The following CKMT2 variants were observed in gnomAD, a reference collection of about 807,000 sequenced individuals.
CKMT2 encodes creatine kinase S-type, mitochondrial.
Under a neutral mutation model 48.9 loss-of-function variants are expected in CKMT2, and 43 were observed. The ratio of observed to expected loss-of-function variants is 0.88; its 90% CI spans 0.69 to 1.13. CKMT2 has a LOEUF of 1.13. Among genes scored for constraint, CKMT2 ranks in the 50% most tolerant of loss-of-function variants. The pLI is 0.00. For synonymous variants in CKMT2, 206 were observed against 213.0 expected, an observed-to-expected ratio of 0.97 and a Z score of 0.29; for missense variants, 472 against 555.4, an observed-to-expected ratio of 0.85 and a Z score of 1.51.
chr5:81,253,770 T>C (rs1056504388), intron 3 of CKMT2, among the ~76,000 whole-genome samples: 25 of 152,366 alleles, frequency 1.6e-4, no homozygotes, highest in African/African-American at 5.3e-4. Flanking sequence ...GGTGCTTTGT[T>C]ACAACTTCTT....
At chr5:81,241,660 G>C (rs1472289698) in intron 1 of CKMT2, among the ~76,000 whole-genome samples, 1 of 152,196 alleles carries the variant, frequency 6.6e-6, no homozygotes, top group Non-Finnish European at 1.5e-5. Flanking sequence ...AATTATGCTT[G>C]ACAAATGGTG....
intron 7 of CKMT2, among the ~76,000 whole-genome samples, chr5:81,258,120 G>T (rs79745782): frequency 1.3e-5 from 2 of 152,004 alleles, no homozygotes; most frequent in Admixed American, 1.3e-4. Flanking sequence ...GACTAGCCTC[G>T]AACTCCTGAC....
intron 9 of CKMT2, 87 bp downstream of exon 9, chr5:81,263,703 C>T (rs1008005132): frequency 4.5e-6 from 6 of 1,330,264 alleles, no homozygotes; most frequent in Non-Finnish European, 4.1e-6. Flanking sequence ...GCCGTTTTCA[C>T]AAAATTCGAG....
chr5:81,265,606 A>C (rs913596994), intron 9 of CKMT2, among the ~76,000 whole-genome samples: 1 of 152,208 alleles, frequency 6.6e-6, no homozygotes. Context: ...TAAGAACAGG[A>C]ATTTTAGAAA....
intron 8 of CKMT2, among the ~76,000 whole-genome samples, chr5:81,261,476 T>C (rs567554974): frequency 2.0e-5 from 3 of 152,222 alleles, no homozygotes; most frequent in Admixed American, 1.3e-4. Context: ...GCCCAAAATC[T>C]TAAGTTGATA....
chr5:81,263,859 G>A (rs1757310799), intron 9 of CKMT2, among the ~76,000 whole-genome samples: 1 of 152,202 alleles, frequency 6.6e-6, no homozygotes, highest in Non-Finnish European at 1.5e-5. Flanking sequence ...TGGGACTGTT[G>A]TCACCGACCT....
chr5:81,256,797 A>C, intron 5 of CKMT2, 118 bp from the exon 6 acceptor site: 1 of 646,756 alleles, frequency 1.5e-6, no homozygotes, highest in Non-Finnish European at 2.7e-6. Flanking sequence ...AAAGCTAAGA[A>C]CCACTGCCTA....
At position 81,233,353 on chromosome 5, in the gene CKMT2, G is replaced by A. The variant is rs1207374773; in HGVS notation, c.-45G>A. The A allele has an allele frequency of 8.1e-6, 8 of 985,754 alleles. No individual in the cohort carries two copies. The South Asian group carries it at 2.8e-4, about 35-fold the overall frequency. 61.1% of individuals were successfully genotyped at this position (985,754 alleles called of 1,614,324 possible). ...ACTTCTTGGCTGTGTGCGCTCAGCA[G>A]GACGTGGGAGGCTCCGGCTTCAAGG... On this transcript the variant is annotated 5_prime_UTR_variant, in exon 1 of 10. Coordinates refer to ENST00000254035, the MANE Select transcript of CKMT2 (RefSeq NM_001099735.2).
intron 1 of CKMT2, among the ~76,000 whole-genome samples, chr5:81,234,021 T>TAAAAA (rs536455571): frequency 2.2e-5 from 2 of 91,902 alleles, no homozygotes; most frequent in African/African-American, 8.8e-5. Flanking sequence ...GGAGGTTAAT[T>TAAAAA]AAAAAAAAAA....
chr5:81,257,843 G>A lies in CKMT2; in HGVS notation c.866G>A (p.Arg289His), dbSNP rs368743817. Residue 289 changes from arginine to histidine, a missense_variant, in exon 7 of 10, where the codon CGT (arginine) becomes CAT (histidine). Coordinates refer to ENST00000254035, the MANE Select transcript of CKMT2 (RefSeq NM_001099735.2). Reference sequence around the variant, plus strand: ...AAACGAGTATTTGAGCGATTCTGTCGTGGACTAAAAGAAGTAAGATGTTAT... The same window carrying A: ...AAACGAGTATTTGAGCGATTCTGTCATGGACTAAAAGAAGTAAGATGTTAT... ...NMKRVFERFCRGLKEVERLIQ... is the reference protein window; with the variant it reads ...NMKRVFERFCHGLKEVERLIQ... 8.9e-5 allele frequency: 143 copies of A among 1,612,924 alleles called. No homozygotes were observed. In the East Asian group the frequency reaches 9.8e-4, roughly 11 times the overall value.
At position 81,254,400 on chromosome 5, in the gene CKMT2, T is replaced by C. The variant is rs1438118333; in HGVS notation, c.356T>C (p.Phe119Ser). 6.2e-7 allele frequency: 1 copy of C among 1,613,902 alleles called. No individual in the cohort carries two copies. Among genetic ancestry groups the C allele is most frequent in the Non-Finnish European group, 8.5e-7 (1 of 1,179,914 alleles). Residue 119 changes from phenylalanine (F) to serine (S), a missense_variant, in exon 4 of 10, where the codon TTT becomes TCT. Phe to Ser is a radical substitution (Grantham distance 155, BLOSUM62 -2). Coordinates refer to ENST00000254035, the MANE Select transcript of CKMT2 (RefSeq NM_001099735.2). ...VAGDEESYEV[F>S]ADLFDPVIKL... ...CACCCATCTTCCCTCCTGCAGGTGT[T>C]TGCTGACCTTTTTGACCCCGTCATC...
At chr5:81,252,572 C>T (rs2112805761) in intron 2 of CKMT2, 123 bp from the exon 3 acceptor site, 1 of 960,368 alleles carries the variant, frequency 1.0e-6, no homozygotes, top group South Asian at 1.5e-5. Flanking sequence ...CAGTTCTAGC[C>T]AAGTATCCCT....
intron 3 of CKMT2, among the ~76,000 whole-genome samples, chr5:81,253,528 C>T (rs1756894882): frequency 6.6e-6 from 1 of 152,234 alleles, no homozygotes; most frequent in Non-Finnish European, 1.5e-5. Context: ...CAAATGCCTG[C>T]AGCCCTCCTC....
chr5:81,255,973 C>A (rs1041653051), intron 5 of CKMT2, among the ~76,000 whole-genome samples: 2 of 152,276 alleles, frequency 1.3e-5, no homozygotes, highest in East Asian at 3.9e-4. Context: ...ACCCTGGTTT[C>A]CTGCTTAAGG....
chr5:81,249,052 CTTT>C (rs113783848), intron 1 of CKMT2, among the ~76,000 whole-genome samples: 3 of 138,312 alleles, frequency 2.2e-5, no homozygotes, highest in Admixed American at 7.3e-5. Context: ...AATCCATGCT[CTTT>C]TTTTTTTTTT....
At chr5:81,257,937 T>TCCA in intron 7 of CKMT2, 81 bp downstream of exon 7, 1 of 1,387,318 alleles carries the variant, frequency 7.2e-7, no homozygotes, top group Non-Finnish European at 9.7e-7. Flanking sequence ...GACACTATGG[T>TCCA]AACTTCCAAG....
intron 2 of CKMT2, 48 bp from the exon 3 acceptor site, chr5:81,252,647 C>T: frequency 1.2e-6 from 2 of 1,602,316 alleles, no homozygotes; most frequent in Middle Eastern, 3.3e-4. Flanking sequence ...CCATTGGCCC[C>T]TTTCCTCGGG....
At chr5:81,264,355 T>C (rs1015054617) in intron 9 of CKMT2, among the ~76,000 whole-genome samples, 13 of 152,226 alleles carry the variant, frequency 8.5e-5, no homozygotes, top group African/African-American at 3.1e-4. Context: ...TTTTAAAGCC[T>C]CTTCTCATAA....
chr5:81,263,023 C>T (rs1040823607), intron 8 of CKMT2, among the ~76,000 whole-genome samples: 1 of 152,074 alleles, frequency 6.6e-6, no homozygotes, highest in Non-Finnish European at 1.5e-5. Flanking sequence ...ATGTCCTTTG[C>T]AGGGACATGG....
Sources: allele counts gnomAD v4.1 joint callset (sites outside exome capture counted in the v4.1 genomes callset), GRCh38; gene constraint gnomAD v4.1.1; transcripts MANE v1.5; gene names NCBI Gene and HGNC (gene_info 2026-07-23, HGNC 2026-07-21).